The following ATRNL1 variants were observed in gnomAD, a reference collection of about 807,000 sequenced individuals.
The protein encoded by ATRNL1 is attractin-like protein 1.
In ATRNL1, 95 loss-of-function variants were observed where a neutral mutation model predicts 182.7. The ratio of observed to expected loss-of-function variants is 0.52; its 90% CI spans 0.44 to 0.62. The LOEUF (loss-of-function observed/expected upper bound fraction) is 0.62. ATRNL1 is among the 20% of genes least tolerant of loss of function. The pLI is 0.00. For missense variants in ATRNL1, 1,471 were observed against 1,679.5 expected (o/e 0.88, Z 2.17); for synonymous variants, 576 against 568.3 (o/e 1.01, Z -0.19).
chr10:115,682,342 C>G (rs561219153), intron 26 of ATRNL1, among the ~76,000 whole-genome samples: 8 of 152,052 alleles, frequency 5.3e-5, no homozygotes, highest in Admixed American at 2.0e-4. Context: ...GGTTCGAAAC[C>G]AGCCTGGCCA....
At chr10:115,369,716 T>C (rs1459902646) in intron 19 of ATRNL1, among the ~76,000 whole-genome samples, 1 of 152,186 alleles carries the variant, frequency 6.6e-6, no homozygotes, top group African/African-American at 2.4e-5. Flanking sequence ...TCCCTTTTTT[T>C]CCACATCCTC....
At chr10:115,901,743 GAA>G (rs562327427) in intron 28 of ATRNL1, among the ~76,000 whole-genome samples, 13,255 of 58,018 alleles carry the variant, frequency 0.23, 1,944 homozygotes, top group African/African-American at 0.47. Context: ...GAACTGAGAA[GAA>G]AAAAAAAAAA....
At chr10:115,186,682 C>G (rs370671082) in intron 8 of ATRNL1, among the ~76,000 whole-genome samples, 2 of 152,114 alleles carry the variant, frequency 1.3e-5, no homozygotes, top group East Asian at 3.9e-4. Flanking sequence ...ATGATGGTTA[C>G]TAGAGGCTGG....
Position 115,121,757 on chromosome 10 carries a change from C to G in ATRNL1, c.436C>G (p.His146Asp). The G allele has an allele frequency of 6.3e-7, 1 of 1,577,032 alleles. No individual in the cohort carries two copies. Among genetic ancestry groups the G allele is most frequent in the South Asian group, 1.2e-5 (1 of 84,940 alleles). Reference protein sequence around the residue: ...NHFATECSWDHMYVYDGDSIY... With the variant: ...NHFATECSWDDMYVYDGDSIY... Reference sequence around the variant, plus strand: ...TTTTGCTACAGAATGTAGCTGGGATCATATGTATGTTTATGATGGAGATTC... The same window carrying G: ...TTTTGCTACAGAATGTAGCTGGGATGATATGTATGTTTATGATGGAGATTC... Residue 146 changes from histidine to aspartate, a missense_variant, in exon 3 of 29, where the codon CAT becomes GAT. Physicochemically the swap from His to Asp is moderately conservative, Grantham distance 81. This residue lies in a region of ATRNL1 where 1,031 missense variants were observed against 1,156.0 expected (regional missense o/e 0.89). Coordinates refer to ENST00000355044, the MANE Select transcript of ATRNL1 (RefSeq NM_207303.4).
chr10:115,143,993 T>G (rs1845861744), intron 5 of ATRNL1, among the ~76,000 whole-genome samples: 1 of 151,544 alleles, frequency 6.6e-6, no homozygotes, highest in African/African-American at 2.4e-5. Flanking sequence ...CTTTTTTTTT[T>G]TTTTTGAGAC....
intron 26 of ATRNL1, among the ~76,000 whole-genome samples, chr10:115,682,724 C>G (rs1305125929): frequency 6.6e-6 from 1 of 152,000 alleles, no homozygotes; most frequent in Non-Finnish European, 1.5e-5. Flanking sequence ...CAGTTCCCTA[C>G]CTTTATGCTC....
rs1345998395 is a variant in ATRNL1, at chr10:115,275,964, T to G, written c.2101-5391T>G. Among the ~76,000 whole-genome samples, 5 of 152,208 alleles carry G rather than the reference T, an allele frequency of 3.3e-5. No individual in the cohort carries two copies. The East Asian group carries it at 9.6e-4, about 29-fold the overall frequency. The stretch of plus-strand genomic sequence containing the variant: ...TAACTCTCCAAGCTATAACATCAAA[T>G]GTATAATTTCTGCTTAGTGAGCCCA... On this transcript the variant is annotated intron_variant, in intron 13 of 28. Transcript: ENST00000355044.
At position 115,182,439 on chromosome 10, in the gene ATRNL1, C is replaced by G. The variant is rs138077933; in HGVS notation, c.1348+11147C>G. 6.9e-3 allele frequency among the ~76,000 whole-genome samples: 1,051 copies of G among 151,508 alleles called. 15 individuals carry two copies. Among genetic ancestry groups the G allele is most frequent in the South Asian group, 0.061 (293 of 4,822 alleles). ...AAGAAATATCAAATAGGAAAAAACT[C>G]AGAAATATGCATTATAATACATACA... On this transcript the variant is annotated intron_variant, in intron 8 of 28. Coordinates refer to ENST00000355044, the MANE Select transcript of ATRNL1 (RefSeq NM_207303.4).
In ATRNL1 at chr10:115,704,879, C is replaced by T. The variant is rs142322851; in HGVS notation, c.3796-22369C>T. ...CATCTTTCTTCTTCTATCTCTTTCT[C>T]CTCCTTTCTTCTTCCATAACCCTCT... On this transcript the variant is annotated intron_variant, in intron 26 of 28. Transcript: ENST00000355044. 6.9e-3 allele frequency among the ~76,000 whole-genome samples: 1,045 copies of T among 151,690 alleles called. 12 individuals carry two copies. The highest frequency in any genetic ancestry group is 0.023 in the African/African-American group (973 of 41,418).
intron 8 of ATRNL1, among the ~76,000 whole-genome samples, chr10:115,183,762 G>A (rs1226167354): frequency 6.6e-6 from 1 of 151,440 alleles, no homozygotes; most frequent in East Asian, 1.9e-4. Context: ...TGCTATGTAG[G>A]TTGTTTTAGA....
intron 28 of ATRNL1, among the ~76,000 whole-genome samples, chr10:115,902,358 A>T (rs896313497): frequency 1.1e-4 from 17 of 151,228 alleles, no homozygotes; most frequent in African/African-American, 3.7e-4. Flanking sequence ...ATCTTCTTTT[A>T]AAAAAAAATG....
intron 26 of ATRNL1, among the ~76,000 whole-genome samples, chr10:115,555,974 T>G (rs11197299): frequency 0.35 from 52,509 of 151,818 alleles, 10,981 homozygotes; most frequent in Non-Finnish European, 0.48. Flanking sequence ...AGTGCAATGC[T>G]CAAAGCTTAC....
At chr10:115,286,434 T>A in intron 15 of ATRNL1, 37 bp downstream of exon 15, 2 of 1,280,632 alleles carry the variant, frequency 1.6e-6, no homozygotes, top group Non-Finnish European at 2.1e-6. Context: ...GGAAATATGC[T>A]ATGATAATTT....
At chr10:115,909,552 A>G (rs1565478705) in intron 28 of ATRNL1, 1 of 150,416 alleles carries the variant, frequency 6.6e-6, no homozygotes, top group Non-Finnish European at 1.5e-5. Context: ...GGCGCCAGAC[A>G]TACTGAAGAC....
intron 3 of ATRNL1, among the ~76,000 whole-genome samples, chr10:115,125,050 A>G (rs1844905736): frequency 6.6e-6 from 1 of 152,174 alleles, no homozygotes; most frequent in Non-Finnish European, 1.5e-5. Flanking sequence ...CATATATACA[A>G]AGGTATAGAC....
At chr10:115,838,327 A>G (rs1466369325) in intron 27 of ATRNL1, among the ~76,000 whole-genome samples, 1 of 152,210 alleles carries the variant, frequency 6.6e-6, no homozygotes, top group Non-Finnish European at 1.5e-5. Flanking sequence ...TCTGTGGTAC[A>G]TGGGATTGGT....
At position 115,250,083 on chromosome 10, in the gene ATRNL1, T is replaced by A. The variant is rs142048512; in HGVS notation, c.1687+8358T>A. 5.6e-3 allele frequency among the ~76,000 whole-genome samples: 854 copies of A among 152,124 alleles called. 6 individuals are homozygous for A. Among genetic ancestry groups the A allele is most frequent in the Non-Finnish European group, 8.9e-3 (607 of 68,010 alleles). ...TTCCCCATATGGCCATAGGGAGGGG[T>A]GTTGATGTAACAGTGGTGGATGACA... On this transcript the variant is annotated intron_variant, in intron 10 of 28. Coordinates refer to ENST00000355044, the MANE Select transcript of ATRNL1 (RefSeq NM_207303.4).
At chr10:115,777,145 G>C (rs1246688515) in intron 27 of ATRNL1, among the ~76,000 whole-genome samples, 1 of 152,112 alleles carries the variant, frequency 6.6e-6, no homozygotes, top group Non-Finnish European at 1.5e-5. Flanking sequence ...GTAGAATTGA[G>C]GTGATAGGCA....
At chr10:115,349,003 T>C (rs1856105627) in intron 19 of ATRNL1, among the ~76,000 whole-genome samples, 1 of 152,190 alleles carries the variant, frequency 6.6e-6, no homozygotes, top group Non-Finnish European at 1.5e-5. Flanking sequence ...AAATATACAA[T>C]AAATTATTTT....
Sources: allele counts gnomAD v4.1 joint callset (sites outside exome capture counted in the v4.1 genomes callset), GRCh38; gene constraint gnomAD v4.1.1; regional missense constraint gnomAD v4.1.1; transcripts MANE v1.5; gene names NCBI Gene and HGNC (gene_info 2026-07-23, HGNC 2026-07-21).